Variants in PRCD observed in about 807,000 individuals in gnomAD.
PRCD encodes photoreceptor disc component, also known as photoreceptor disk component PRCD.
Under a neutral mutation model 10.1 loss-of-function variants are expected in PRCD, and 12 were observed. The ratio of observed to expected loss-of-function variants is 1.18; its 90% CI spans 0.76 to 1.92. The LOEUF is 1.92. Among genes scored for constraint, PRCD ranks in the 40% most tolerant of loss-of-function variants. The probability of loss-of-function intolerance (pLI) is 0.00; values close to 1 mark genes in which losing one functional copy is unlikely to be tolerated. For synonymous variants in PRCD, 31 were observed against 26.2 expected, an observed-to-expected ratio of 1.18 and a Z score of -0.56; for missense variants, 61 against 72.2, an observed-to-expected ratio of 0.84 and a Z score of 0.56.
chr17:76,544,009 A>G lies in PRCD; in HGVS notation c.*359A>G, dbSNP rs1248422443. 1 of 456,962 alleles carries G rather than the reference A, an allele frequency of 2.2e-6. No homozygotes were observed. Among genetic ancestry groups the G allele is most frequent in the Non-Finnish European group, 4.4e-6 (1 of 226,958 alleles). 28.3% of individuals were successfully genotyped at this position (456,962 alleles called of 1,614,324 possible). On this transcript the variant is annotated 3_prime_UTR_variant, in exon 5 of 5. Transcript: ENST00000592014. ...AAAAGCCTGACACTTGTTTTTATCA[A>G]TTTGCTGATGCTCAGTCCCGGCGGC...
Position 76,528,455 on chromosome 17 carries a change from G to A in PRCD, n.45+622G>A, listed in dbSNP as rs908242743. ...CTGGCCGCCACAGAGGCCTCCTTCGGGGAAGTTGAGTCAGGGATTCCTCCA... is the reference window on the plus strand; with the variant it reads ...CTGGCCGCCACAGAGGCCTCCTTCGAGGAAGTTGAGTCAGGGATTCCTCCA... On this transcript the variant is annotated intron_variant and non_coding_transcript_variant, in intron 1 of 4. Transcript: ENST00000397633. This position sits in a 1 kb window ranked among gnomAD's most constrained non-coding sequence, Gnocchi z 5.8. 9.4e-6 allele frequency: 9 copies of A among 957,150 alleles called. No homozygotes were observed. In the East Asian group the frequency reaches 2.6e-4, roughly 28 times the overall value. The allele number at this position is 957,150 out of a possible 1,614,324, so 59.3% of individuals were successfully genotyped here.
chr17:76,529,369 GAGC>G lies in PRCD; in HGVS notation n.45+1539_45+1541del, dbSNP rs751316241. ...AGCCCATCTCCATTCAGTCCACAAG[GAGC>G]AGAAGTGGGCGGAGGAGGAGACTTC... is the stretch of plus-strand genomic sequence containing the variant. On this transcript the variant is annotated intron_variant and non_coding_transcript_variant, in intron 1 of 4. Coordinates refer to the PRCD transcript ENST00000397633. 371 of 985,334 alleles carry G rather than the reference GAGC, an allele frequency of 3.8e-4. 1 individual carries two copies. Among genetic ancestry groups the G allele is most frequent in the Non-Finnish European group, 4.1e-4 (344 of 829,936 alleles). 61.0% of individuals were successfully genotyped at this position (985,334 alleles called of 1,614,324 possible).
At chr17:76,548,292 A>T (rs1202305123), downstream of PRCD, among the ~76,000 whole-genome samples, 1 of 152,244 alleles carries the variant, frequency 6.6e-6, no homozygotes, top group Admixed American at 6.5e-5. Context: ...ACACAGAGAG[A>T]CATACACATA....
upstream of PRCD, chr17:76,538,360 C>G (rs1197619260): frequency 2.9e-6 from 1 of 346,992 alleles, no homozygotes; most frequent in African/African-American, 2.2e-5. Flanking sequence ...GCCCACCGCC[C>G]CGGCTGTCGG....
At chr17:76,551,185 A>G (rs1401875136) in intron 1 of PRCD, 1 of 152,212 alleles carries the variant, frequency 6.6e-6, no homozygotes, top group East Asian at 1.9e-4. Context: ...AGAGCAGAGA[A>G]GAGAATGCAG....
rs4318240 is a variant in PRCD at position 76,543,010 on chromosome 17, C to T, written c.*60-19C>T. The T allele has an allele frequency of 0.99, 474,470 of 479,308 alleles. 235,029 individuals are homozygous for T. The highest frequency in any genetic ancestry group is 1 in the East Asian group (14,916 of 14,916). 29.7% of individuals were successfully genotyped at this position (479,308 alleles called of 1,614,324 possible). The stretch of plus-strand genomic sequence containing the variant: ...CAGGTGTGGGAGAAGTGCTGATCTG[C>T]TCTGGTTTTCTGTTTCAGCTCAGGT... On this transcript the variant is annotated intron_variant, in intron 3 of 4. Transcript: ENST00000592014.
rs2074788570 is a variant in PRCD, at chr17:76,528,107, G to C, written n.45+274G>C. 2 of 420,360 alleles carry C rather than the reference G, an allele frequency of 4.8e-6. No homozygotes were observed. Among genetic ancestry groups the C allele is most frequent in the Non-Finnish European group, 8.6e-6 (2 of 233,902 alleles). 26.0% of individuals were successfully genotyped at this position (420,360 alleles called of 1,614,324 possible). A position where few individuals can be genotyped will look rare whatever the true frequency, so the allele number is the denominator to read the frequency against. On this transcript the variant is annotated intron_variant and non_coding_transcript_variant, in intron 1 of 4. Transcript: ENST00000397633. The surrounding 1 kb of genome is among the most constrained non-coding windows in gnomAD (Gnocchi z 5.8). ...CTGGGCGCCGCGGATACACATTCTAGATATGTATGTGTGTATATATATATG... is the reference window on the plus strand; with the variant it reads ...CTGGGCGCCGCGGATACACATTCTACATATGTATGTGTGTATATATATATG...
Position 76,540,945 on chromosome 17 carries a change from C to T in PRCD, c.143+372C>T, listed in dbSNP as rs1476791249. On this transcript the variant is annotated intron_variant, in intron 2 of 4. Coordinates refer to ENST00000592014, the MANE Select transcript of PRCD (RefSeq NM_001077620.3). The surrounding 1 kb of genome is among the most constrained non-coding windows in gnomAD (Gnocchi z 5.0). ...CTTCCCCCTCCTCCTCCTCTGCCCC[C>T]GCCCTGCCTCAGCTAGGCTGCCTGA... Among the ~76,000 whole-genome samples the T allele has an allele frequency of 1.3e-5, 2 of 152,196 alleles. No homozygotes were observed. The highest frequency in any genetic ancestry group is 6.5e-5 in the Admixed American group (1 of 15,286).
At chr17:76,529,366 A>G (rs2074806377) in intron 1 of PRCD, 1 of 985,280 alleles carries the variant, frequency 1.0e-6, no homozygotes, top group African/African-American at 1.7e-5. Flanking sequence ...TTCAGTCCAC[A>G]AGGAGCAGAA....
Position 76,540,679 on chromosome 17 carries a change from C to A in PRCD, c.143+106C>A. 8.8e-7 allele frequency: 1 copy of A among 1,142,202 alleles called. No homozygotes were observed. Among genetic ancestry groups the A allele is most frequent in the Non-Finnish European group, 1.3e-6 (1 of 769,312 alleles). 70.8% of individuals were successfully genotyped at this position (1,142,202 alleles called of 1,614,324 possible). On this transcript the variant is annotated intron_variant, in intron 2 of 4. Coordinates refer to ENST00000592014, the MANE Select transcript of PRCD (RefSeq NM_001077620.3). This position sits in a 1 kb window ranked among gnomAD's most constrained non-coding sequence, Gnocchi z 5.0. ...TGCCTGTGCGCGCCTGTGCGTGCACCGTATCCTGGCCCTTGCCCTAAGCAC... is the reference window on the plus strand; with the variant it reads ...TGCCTGTGCGCGCCTGTGCGTGCACAGTATCCTGGCCCTTGCCCTAAGCAC...
intron 1 of PRCD, among the ~76,000 whole-genome samples, chr17:76,532,354 T>C (rs2074855237): frequency 6.6e-6 from 1 of 152,104 alleles, no homozygotes; most frequent in African/African-American, 2.4e-5. Flanking sequence ...GTGTCAGACA[T>C]GCCTTACCTG....
chr17:76,532,022 G>A (rs1472034489), intron 1 of PRCD: 3 of 229,342 alleles, frequency 1.3e-5, no homozygotes, highest in African/African-American at 6.7e-5. Flanking sequence ...GAGAGGGTAA[G>A]AACTCAGGTT....
chr17:76,535,624 C>T (rs1304021371), upstream of PRCD, among the ~76,000 whole-genome samples: 4 of 152,138 alleles, frequency 2.6e-5, no homozygotes, highest in Non-Finnish European at 5.9e-5. Context: ...TGGTAATGAC[C>T]TCCCCCAGCC....
At chr17:76,552,878 A>T (rs1201207091) in intron 1 of PRCD, 1 of 124,100 alleles carries the variant, frequency 8.1e-6, no homozygotes, top group African/African-American at 3.5e-5. Flanking sequence ...AAAAAAAAAA[A>T]AAAATATATA....
In PRCD at chr17:76,531,978, T is replaced by A. The variant is rs1481888977; in HGVS notation, n.45+4145T>A. 1 of 328,488 alleles carries A rather than the reference T, an allele frequency of 3.0e-6. No homozygotes were observed. Among genetic ancestry groups the A allele is most frequent in the Non-Finnish European group, 5.7e-6 (1 of 175,582 alleles). 20.3% of individuals were successfully genotyped at this position (328,488 alleles called of 1,614,324 possible). A position where few individuals can be genotyped will look rare whatever the true frequency, so the allele number is the denominator to read the frequency against. ...CGCTTCTTGCTTCCTTCCCAAACTC[T>A]ACACCCCCTTCAAGCCCTGCTCTAG... On this transcript the variant is annotated intron_variant and non_coding_transcript_variant, in intron 1 of 4. Coordinates refer to the PRCD transcript ENST00000397633. This position sits in a 1 kb window ranked among gnomAD's most constrained non-coding sequence, Gnocchi z 7.4.
At chr17:76,538,456 A>AC (rs1442269270), upstream of PRCD, 3 of 466,060 alleles carry the variant, frequency 6.4e-6, no homozygotes, top group East Asian at 2.2e-4. Flanking sequence ...CGGTGCACGA[A>AC]CGCGGCGGCG....
Position 76,531,190 on chromosome 17 carries a change from T to TCCTGCAACCCCCAGGCCCCTCCGC in PRCD, n.45+3360_45+3383dup, listed in dbSNP as rs1331962314. 1 of 1,577,660 alleles carries TCCTGCAACCCCCAGGCCCCTCCGC rather than the reference T, an allele frequency of 6.3e-7. No homozygotes were observed. The highest frequency in any genetic ancestry group is 8.7e-7 in the Non-Finnish European group (1 of 1,155,136). ...GGAGTGAACGCCCGGGCGCCCTGCGTCCTGCAACCCCCAGGCCCCTCCGCC... is the reference window on the plus strand; with the variant it reads ...GGAGTGAACGCCCGGGCGCCCTGCGTCCTGCAACCCCCAGGCCCCTCCGCCCTGCAACCCCCAGGCCCCTCCGCC... On this transcript the variant is annotated intron_variant and non_coding_transcript_variant, in intron 1 of 4. Transcript: ENST00000397633. This position sits in a 1 kb window ranked among gnomAD's most constrained non-coding sequence, Gnocchi z 7.4.
chr17:76,529,254 G>A (rs775642150), intron 1 of PRCD: 131 of 985,298 alleles, frequency 1.3e-4, no homozygotes, highest in Non-Finnish European at 1.5e-4. Flanking sequence ...AGGGACACTA[G>A]GGGTGGGCTA....
chr17:76,528,650 G>C lies in PRCD; in HGVS notation n.45+817G>C. On this transcript the variant is annotated intron_variant and non_coding_transcript_variant, in intron 1 of 4. Coordinates refer to the PRCD transcript ENST00000397633. The surrounding 1 kb of genome is among the most constrained non-coding windows in gnomAD (Gnocchi z 5.8). ...AGGAAGGGAAGGACAAACGTTACCAGAGGCAGGGAAGGACCCTCGGGGGAA... is the reference window on the plus strand; with the variant it reads ...AGGAAGGGAAGGACAAACGTTACCACAGGCAGGGAAGGACCCTCGGGGGAA... 7.9e-7 allele frequency: 1 copy of C among 1,263,328 alleles called. No homozygotes were observed. Among genetic ancestry groups the C allele is most frequent in the Non-Finnish European group, 1.0e-6 (1 of 995,736 alleles). The allele number at this position is 1,263,328 out of a possible 1,614,324, so 78.3% of individuals were successfully genotyped here. A position where few individuals can be genotyped will look rare whatever the true frequency, so the allele number is the denominator to read the frequency against.
Sources: gnomAD v4.1 joint callset for allele counts (sites outside exome capture counted in the v4.1 genomes callset) on GRCh38, gnomAD v4.1.1 for gene constraint, Gnocchi (gnomAD v3.1) non-coding constraint, MANE v1.5 for transcripts, NCBI Gene and HGNC (gene_info 2026-07-23, HGNC 2026-07-21) for gene names.